The following PLB1 variants were observed in gnomAD, a reference collection of about 807,000 sequenced individuals.
PLB1 encodes the protein phospholipase B1.
Under a neutral mutation model 227.4 loss-of-function variants are expected in PLB1, and 242 were observed. The observed-to-expected ratio is 1.06, with a 90% confidence interval of 0.96 to 1.18. PLB1 has a LOEUF of 1.18. Among genes scored for constraint, PLB1 ranks in the 50% most tolerant of loss-of-function variants. The pLI, the probability that PLB1 is intolerant of heterozygous loss-of-function variation, is 0.00. For synonymous variants in PLB1, 757 were observed against 682.2 expected (o/e 1.11, Z -1.71); for missense variants, 1,858 against 1,816.3 (o/e 1.02, Z -0.42).
chr2:28,643,483 T>C lies in PLB1; in HGVS notation c.*422T>C, dbSNP rs1237483735. ...TGGTCACCAGGTGGTGGCTGGAATTTTGGAGCTGGCTGGTTGCCATTCAGT... is the reference window on the plus strand; with the variant it reads ...TGGTCACCAGGTGGTGGCTGGAATTCTGGAGCTGGCTGGTTGCCATTCAGT... On this transcript the variant is annotated 3_prime_UTR_variant, in exon 58 of 58. Coordinates refer to ENST00000327757, the MANE Select transcript of PLB1 (RefSeq NM_153021.5). 2 of 166,708 alleles carry C rather than the reference T, an allele frequency of 1.2e-5. No homozygotes were observed. The highest frequency in any genetic ancestry group is 2.6e-5 in the Non-Finnish European group (2 of 77,426). The allele number at this position is 166,708 out of a possible 1,614,324, so 10.3% of individuals were successfully genotyped here.
At position 28,589,753 on chromosome 2, in the gene PLB1, G is replaced by C; in HGVS notation, c.1999G>C (p.Ala667Pro). The C allele has an allele frequency of 6.2e-7, 1 of 1,613,716 alleles. No homozygotes were observed. Among genetic ancestry groups the C allele is most frequent in the Non-Finnish European group, 8.5e-7 (1 of 1,179,874 alleles). Residue 667 changes from alanine (A) to proline (P), a missense_variant, in exon 28 of 58, where the codon GCT becomes CCT. Coordinates refer to ENST00000327757, the MANE Select transcript of PLB1 (RefSeq NM_153021.5). ...SSKSHSRAAS[A>P]LWNNMLEPVG... is the part of the protein sequence containing the mutation. ...CAAGTCTCACTCCCGAGCAGCCAGT[G>C]CTCTCTGGAACAATATGGTAAGTGG... is the stretch of plus-strand genomic sequence containing the variant.
Position 28,566,830 on chromosome 2 carries a change from A to G in PLB1, c.1315A>G (p.Thr439Ala). 1 of 1,613,626 alleles carries G rather than the reference A, an allele frequency of 6.2e-7. No homozygotes were observed. The highest frequency in any genetic ancestry group is 8.5e-7 in the Non-Finnish European group (1 of 1,179,908). Residue 439 changes from threonine to alanine, a missense_variant, in exon 20 of 58, where the codon ACC (threonine) becomes GCC (alanine). Coordinates refer to ENST00000327757, the MANE Select transcript of PLB1 (RefSeq NM_153021.5). The part of the protein sequence containing the change: ...GGDENIGTVT[T>A]LANILREFNP... ...AGATGAGAACATCGGCACCGTTACC[A>G]CCCTGGCGAGTGAGTACGCGGCGGC...
In PLB1 at chr2:28,626,353, G is replaced by A. The variant is rs914593266; in HGVS notation, c.3580-75G>A. Reference sequence around the variant, plus strand: ...TAAGACAAAAGGCACTTGGAGGGCGGGCGGGCTGGCCCAGTAGCAACATTT... The same window carrying A: ...TAAGACAAAAGGCACTTGGAGGGCGAGCGGGCTGGCCCAGTAGCAACATTT... On this transcript the variant is annotated intron_variant, in intron 50 of 57. Coordinates refer to ENST00000327757, the MANE Select transcript of PLB1 (RefSeq NM_153021.5). The A allele has an allele frequency of 3.2e-6, 4 of 1,267,228 alleles. No individual in the cohort carries two copies. The African/African-American group carries it at 4.4e-5, about 14-fold the overall frequency. 78.5% of individuals were successfully genotyped at this position (1,267,228 alleles called of 1,614,324 possible). A position where few individuals can be genotyped will look rare whatever the true frequency, so the allele number is the denominator to read the frequency against.
intron 49 of PLB1, among the ~76,000 whole-genome samples, chr2:28,622,777 T>C (rs570596153): frequency 4.6e-5 from 7 of 152,224 alleles, no homozygotes; most frequent in Non-Finnish European, 7.4e-5. Flanking sequence ...TCCCAGCTAC[T>C]CGGGAGGCTG....
chr2:28,513,421 C>T (rs560708528), intron 1 of PLB1, among the ~76,000 whole-genome samples: 3 of 152,320 alleles, frequency 2.0e-5, no homozygotes, highest in African/African-American at 7.2e-5. Flanking sequence ...TCATCAGGGT[C>T]CCCCCTCCTC....
chr2:28,553,415 A>T (rs779570860), intron 17 of PLB1, among the ~76,000 whole-genome samples: 10 of 152,258 alleles, frequency 6.6e-5, no homozygotes, highest in Non-Finnish European at 1.2e-4. Flanking sequence ...GCAGAGCAGG[A>T]AAGCACGTCA....
chr2:28,610,313 A>C lies in PLB1; in HGVS notation c.3130-3718A>C, dbSNP rs1268567150. 4.9e-5 allele frequency among the ~76,000 whole-genome samples: 7 copies of C among 141,424 alleles called. No individual in the cohort carries two copies. The East Asian group carries it at 1.4e-3, about 28-fold the overall frequency. The allele number at this position is 141,424 out of a possible 152,430, so 92.8% of individuals were successfully genotyped here. ...AAATCAGTGTAGGTAAAGAACCAGC[A>C]CTTTTTTTTTTTTAATTAATAGTGA... On this transcript the variant is annotated intron_variant, in intron 43 of 57. Transcript: ENST00000327757.
At chr2:28,585,158 G>A (rs967575657) in intron 25 of PLB1, among the ~76,000 whole-genome samples, 11 of 152,202 alleles carry the variant, frequency 7.2e-5, no homozygotes, top group South Asian at 6.2e-4. Flanking sequence ...ATGCCTCATC[G>A]GCACAGCACT....
chr2:28,542,643 C>T (rs952910969), intron 13 of PLB1, among the ~76,000 whole-genome samples: 1 of 152,172 alleles, frequency 6.6e-6, no homozygotes, highest in Non-Finnish European at 1.5e-5. Flanking sequence ...CCATCCATCT[C>T]TGGAAGGGAG....
chr2:28,554,937 A>C (rs1049837446), intron 17 of PLB1, among the ~76,000 whole-genome samples: 6 of 152,044 alleles, frequency 3.9e-5, no homozygotes, highest in African/African-American at 1.4e-4. Flanking sequence ...CCATTTATAT[A>C]ATAACAAGAT....
At chr2:28,544,329 A>T (rs1672914833) in intron 14 of PLB1, among the ~76,000 whole-genome samples, 1 of 152,226 alleles carries the variant, frequency 6.6e-6, no homozygotes, top group Non-Finnish European at 1.5e-5. Context: ...GAGAAGAGGA[A>T]CCTGGCCCCT....
rs1421650311 is a variant in PLB1, at chr2:28,543,168, C to A, written c.880-44C>A. ...AAGTGTGTAGCAGGTCCGTTGCATT[C>A]CTGGGGAGACAAAAGGTCCCGCTGT... On this transcript the variant is annotated intron_variant, in intron 13 of 57. Coordinates refer to ENST00000327757, the MANE Select transcript of PLB1 (RefSeq NM_153021.5). 1.3e-6 allele frequency: 2 copies of A among 1,572,992 alleles called. 1 individual carries two copies. The highest frequency in any genetic ancestry group is 2.3e-5 in the South Asian group (2 of 85,840).
intron 13 of PLB1, among the ~76,000 whole-genome samples, chr2:28,542,108 G>A (rs1672581600): frequency 6.7e-6 from 1 of 148,802 alleles, no homozygotes. Flanking sequence ...ACTCCAGCCT[G>A]GGCAGTAGAA....
chr2:28,640,864 C>CCT, intron 56 of PLB1, 63 bp from the exon 57 acceptor site: 3 of 1,507,288 alleles, frequency 2.0e-6, no homozygotes, highest in Non-Finnish European at 2.7e-6. Context: ...TGAGACACCC[C>CCT]CTCAGAGAGG....
intron 54 of PLB1, 104 bp from the exon 55 acceptor site, chr2:28,631,932 A>G: frequency 1.1e-6 from 1 of 893,798 alleles, no homozygotes; most frequent in Non-Finnish European, 1.9e-6. Context: ...ACTGTCCTTT[A>G]GGGTGAGTTG....
At chr2:28,564,872 TAG>T (rs1676626301) in intron 18 of PLB1, among the ~76,000 whole-genome samples, 1 of 146,864 alleles carries the variant, frequency 6.8e-6, no homozygotes, top group South Asian at 2.2e-4. Context: ...TTAAACTGCA[TAG>T]GTGAGATATA....
intron 1 of PLB1, among the ~76,000 whole-genome samples, chr2:28,508,157 C>T (rs148641831): frequency 1.2e-3 from 176 of 152,304 alleles, no homozygotes; most frequent in African/African-American, 4.0e-3. Context: ...TCAGGGAAAG[C>T]GTACTTGACT....
intron 14 of PLB1, among the ~76,000 whole-genome samples, chr2:28,545,564 G>C (rs1673126876): frequency 6.6e-6 from 1 of 152,164 alleles, no homozygotes; most frequent in Non-Finnish European, 1.5e-5. Context: ...AAGTCACACG[G>C]TCTTTCGGGG....
intron 14 of PLB1, among the ~76,000 whole-genome samples, chr2:28,547,640 G>A (rs960984802): frequency 2.3e-4 from 35 of 152,192 alleles, no homozygotes; most frequent in African/African-American, 5.3e-4. Context: ...AGCTTCCCAC[G>A]TTCCTTGGCA....
Sources: gnomAD v4.1 joint callset for allele counts (sites outside exome capture counted in the v4.1 genomes callset) on GRCh38, gnomAD v4.1.1 for gene constraint, MANE v1.5 for transcripts, NCBI Gene and HGNC (gene_info 2026-07-23, HGNC 2026-07-21) for gene names.